TDRD3: variants seen among roughly 807,000 people sequenced by gnomAD.
TDRD3 encodes tudor domain-containing protein 3.
Under a neutral mutation model 86.7 loss-of-function variants are expected in TDRD3, and 45 were observed. That is an observed-to-expected ratio of 0.52 (90% CI 0.41 to 0.67). TDRD3 has a LOEUF of 0.67. Among genes scored for constraint, TDRD3 ranks in the 30% least tolerant of loss-of-function variants. TDRD3 has a pLI of 0.00. For missense variants in TDRD3, 814 were observed against 889.0 expected, an observed-to-expected ratio of 0.92 and a Z score of 1.07; for synonymous variants, 298 against 301.7, an observed-to-expected ratio of 0.99 and a Z score of 0.13.
intron 12 of TDRD3, among the ~76,000 whole-genome samples, chr13:60,562,463 A>G (rs1214221202): frequency 6.6e-6 from 1 of 152,196 alleles, no homozygotes; most frequent in Admixed American, 6.5e-5. Flanking sequence ...AGTCCATTAC[A>G]TGTTTTGGGA....
chr13:60,413,574 G>A (rs1288814844), intron 1 of TDRD3, among the ~76,000 whole-genome samples: 1 of 152,188 alleles, frequency 6.6e-6, no homozygotes. Context: ...CTTGGCATAT[G>A]CTGAATGCCC....
chr13:60,524,454 C>T lies in TDRD3; in HGVS notation c.1142-3913C>T, dbSNP rs151226985. On this transcript the variant is annotated intron_variant, in intron 10 of 13. Transcript: ENST00000377881. ...CCCGGGAGGCGGAGGTTGCACTGAG[C>T]CGAGACTGCACCACTGTACTCCAGC... Among the ~76,000 whole-genome samples, 512 of 151,520 alleles carry T rather than the reference C, an allele frequency of 3.4e-3. 5 individuals carry two copies. The highest frequency in any genetic ancestry group is 1.6e-3 in the Non-Finnish European group (108 of 67,878).
At chr13:60,491,828 G>C (rs946638632) in intron 7 of TDRD3, among the ~76,000 whole-genome samples, 1 of 151,534 alleles carries the variant, frequency 6.6e-6, no homozygotes, top group African/African-American at 2.4e-5. Context: ...AAGTAAGCAT[G>C]GTCAACAGTG....
At chr13:60,415,836 G>C (rs1380920452) in intron 1 of TDRD3, among the ~76,000 whole-genome samples, 4 of 152,072 alleles carry the variant, frequency 2.6e-5, no homozygotes, top group Admixed American at 6.6e-5. Flanking sequence ...TCAAGGATAG[G>C]TGAAGAGATC....
At chr13:60,523,612 T>G (rs1957339762) in intron 10 of TDRD3, among the ~76,000 whole-genome samples, 1 of 148,474 alleles carries the variant, frequency 6.7e-6, no homozygotes, top group South Asian at 2.2e-4. Flanking sequence ...AGTCTTGCTC[T>G]GTCACCCAGG....
intron 10 of TDRD3, among the ~76,000 whole-genome samples, chr13:60,527,055 G>A (rs922261953): frequency 1.3e-4 from 20 of 152,000 alleles, no homozygotes; most frequent in African/African-American, 1.2e-4. Flanking sequence ...GGGTGGTCTC[G>A]AACTCCTGGC....
chr13:60,484,646 A>T (rs1482686462), intron 6 of TDRD3: 2 of 442,876 alleles, frequency 4.5e-6, no homozygotes, highest in East Asian at 1.4e-4. Flanking sequence ...CATCAAACCT[A>T]TTTTGAAGCA....
At chr13:60,484,581 A>C (rs1448815243) in intron 6 of TDRD3, 1 of 376,092 alleles carries the variant, frequency 2.7e-6, no homozygotes, top group African/African-American at 2.1e-5. Context: ...TTTGACTGTC[A>C]CCCTCTCTGA....
intron 1 of TDRD3, among the ~76,000 whole-genome samples, chr13:60,425,232 TA>T (rs1179191788): frequency 2.0e-5 from 3 of 151,984 alleles, no homozygotes; most frequent in African/African-American, 7.3e-5. Flanking sequence ...AAAGAAGACA[TA>T]AAAATGTCTA....
intron 1 of TDRD3, among the ~76,000 whole-genome samples, chr13:60,421,632 C>T (rs189057560): frequency 1.5e-3 from 235 of 152,300 alleles, no homozygotes; most frequent in Non-Finnish European, 2.0e-3. Context: ...CGGATGACTT[C>T]ACACCTAAGC....
chr13:60,454,210 G>A (rs530186475), intron 3 of TDRD3, among the ~76,000 whole-genome samples: 2 of 152,210 alleles, frequency 1.3e-5, no homozygotes, highest in East Asian at 3.9e-4. Flanking sequence ...GCTGTATTTT[G>A]AAATTTGTAG....
rs534037369 is a variant in TDRD3 at position 60,502,217 on chromosome 13, A to G, written c.859-7546A>G. Among the ~76,000 whole-genome samples, 8 of 152,334 alleles carry G rather than the reference A, an allele frequency of 5.3e-5. No homozygotes were observed. The South Asian group carries it at 1.7e-3, about 32-fold the overall frequency. ...AGAATTTGCAGGATAATTGTCCAGA[A>G]CTAGGATATTGATCCAGATTTTTAC... On this transcript the variant is annotated intron_variant, in intron 8 of 13. Transcript: ENST00000377881.
At chr13:60,522,003 T>C (rs1957297498) in intron 10 of TDRD3, among the ~76,000 whole-genome samples, 2 of 152,208 alleles carry the variant, frequency 1.3e-5, no homozygotes, top group South Asian at 4.1e-4. Flanking sequence ...TGGAACTTTC[T>C]TCTATACATT....
intron 13 of TDRD3, among the ~76,000 whole-genome samples, chr13:60,568,189 T>C (rs1184403796): frequency 1.3e-5 from 2 of 152,210 alleles, no homozygotes; most frequent in Non-Finnish European, 2.9e-5. Context: ...ATTTTTTTCA[T>C]CTGTTCTAAC....
At chr13:60,396,107 A>G (rs926491842), upstream of TDRD3, among the ~76,000 whole-genome samples, 1 of 152,140 alleles carries the variant, frequency 6.6e-6, no homozygotes, top group Admixed American at 6.5e-5. Flanking sequence ...CAATCCCAAG[A>G]GCGCCTCTGC....
At chr13:60,555,882 G>T (rs561046471) in intron 12 of TDRD3, among the ~76,000 whole-genome samples, 2 of 135,000 alleles carry the variant, frequency 1.5e-5, no homozygotes, top group African/African-American at 5.7e-5. Flanking sequence ...ATGGAATCTC[G>T]CTCTGTCGCC....
intron 10 of TDRD3, among the ~76,000 whole-genome samples, chr13:60,526,395 G>T (rs1033003009): frequency 2.6e-5 from 4 of 152,028 alleles, no homozygotes; most frequent in Non-Finnish European, 1.5e-5. Flanking sequence ...AAAATGTCTG[G>T]AACAAAAGCC....
intron 3 of TDRD3, among the ~76,000 whole-genome samples, chr13:60,458,529 A>G (rs1047597162): frequency 3.9e-5 from 6 of 152,058 alleles, no homozygotes; most frequent in African/African-American, 1.4e-4. Flanking sequence ...GTAAAGTTGG[A>G]TTTTTTTGAC....
At chr13:60,423,303 A>G (rs1015437366) in intron 1 of TDRD3, among the ~76,000 whole-genome samples, 6 of 152,190 alleles carry the variant, frequency 3.9e-5, no homozygotes, top group Non-Finnish European at 7.4e-5. Flanking sequence ...AGGAGTTTGC[A>G]GGGACACATA....
Sources: gnomAD v4.1 joint callset for allele counts (sites outside exome capture counted in the v4.1 genomes callset) on GRCh38, gnomAD v4.1.1 for gene constraint, MANE v1.5 for transcripts, NCBI Gene and HGNC (gene_info 2026-07-23, HGNC 2026-07-21) for gene names.